Variants in LRRC17 observed in about 807,000 individuals in gnomAD.
LRRC17 encodes leucine rich repeat containing 17, also known as leucine-rich repeat-containing protein 17.
LRRC17 carries 33 observed loss-of-function variants against 41.5 expected under a neutral mutation model. The ratio of observed to expected loss-of-function variants is 0.80; its 90% CI spans 0.60 to 1.06. The LOEUF (loss-of-function observed/expected upper bound fraction) is 1.06, where lower values mean the gene tolerates loss of function less well. LRRC17 is among the 50% of genes least tolerant of loss of function. LRRC17 has a pLI of 0.00. For missense variants in LRRC17, 491 were observed against 519.3 expected (o/e 0.95, Z 0.53); for synonymous variants, 192 against 197.0 (o/e 0.97, Z 0.21).
Position 102,934,038 on chromosome 7 carries a change from C to G in LRRC17, c.125C>G (p.Ser42Cys), listed in dbSNP as rs1295393542. The change falls in exon 2 of 4, where the codon TCC becomes TGC. Residue 42 changes from serine (S) to cysteine (C), a missense_variant. Ser to Cys is a moderately radical substitution (Grantham distance 112). Transcript: ENST00000339431. ...HGRAGGGRRGSNPVKRYAPGL... is the reference protein window; with the variant it reads ...HGRAGGGRRGCNPVKRYAPGL... ...CGGGCGGGTGGAGGCCGGAGAGGCT[C>G]CAACCCGGTCAAACGCTACGCACCA... 2 of 1,614,090 alleles carry G rather than the reference C, an allele frequency of 1.2e-6. No homozygotes were observed.
chr7:102,942,199 A>G, intron 3 of LRRC17: 1 of 956,500 alleles, frequency 1.0e-6, no homozygotes, highest in Non-Finnish European at 1.6e-6. Flanking sequence ...CTTTCCTAGA[A>G]CAAAAGTTCT....
In LRRC17 at chr7:102,934,403, C is replaced by T; in HGVS notation, c.490C>T (p.Pro164Ser). 6.2e-7 allele frequency: 1 copy of T among 1,614,128 alleles called. No homozygotes were observed. The highest frequency in any genetic ancestry group is 1.1e-5 in the South Asian group (1 of 91,076). Residue 164 changes from proline (P) to serine (S), a missense_variant, in exon 2 of 4, where the codon CCC becomes TCC. Transcript: ENST00000339431. ...LLSYLRLYDN[P>S]WHCTCEIETL... is the part of the protein sequence containing the mutation. Reference sequence around the variant, plus strand: ...GAGCTACCTGCGTCTTTATGACAACCCCTGGCACTGTACTTGTGAGATAGA... The same window carrying T: ...GAGCTACCTGCGTCTTTATGACAACTCCTGGCACTGTACTTGTGAGATAGA...
At chr7:102,918,486 T>C (rs1306362515) in intron 1 of LRRC17, among the ~76,000 whole-genome samples, 2 of 152,200 alleles carry the variant, frequency 1.3e-5, no homozygotes, top group Non-Finnish European at 2.9e-5. Flanking sequence ...AAAATAAATA[T>C]GTTTTAAGTT....
intron 3 of LRRC17, among the ~76,000 whole-genome samples, chr7:102,939,843 A>T: frequency 6.6e-6 from 1 of 152,158 alleles, no homozygotes; most frequent in Non-Finnish European, 1.5e-5. Context: ...TGTGTTATAG[A>T]TTTTTAAAGT....
At position 102,939,582 on chromosome 7, in the gene LRRC17, C is replaced by A. The variant is rs61735950; in HGVS notation, c.925C>A (p.Pro309Thr). The stretch of plus-strand genomic sequence containing the variant: ...CAGCAATGGCATTGAATTCATCGAT[C>A]CTGGTAAGTTCCCCTGTATAGCCCC... ...LSSNGIEFID[P>T]AAFLGLTHLE... is the part of the protein sequence containing the mutation. The change falls in exon 3 of 4, where the codon CCT becomes ACT. Residue 309 changes from proline to threonine, a missense_variant. Coordinates refer to ENST00000339431, the MANE Select transcript of LRRC17 (RefSeq NM_001031692.3). 18 of 1,612,340 alleles carry A rather than the reference C, an allele frequency of 1.1e-5. No homozygotes were observed. The African/African-American group carries it at 2.4e-4, about 22-fold the overall frequency.
At chr7:102,921,109 T>C (rs549020570) in intron 1 of LRRC17, among the ~76,000 whole-genome samples, 1 of 151,676 alleles carries the variant, frequency 6.6e-6, no homozygotes, top group South Asian at 2.1e-4. Context: ...CCGAGATCAC[T>C]TCATTGCACT....
At chr7:102,922,859 T>C (rs1456668214) in intron 1 of LRRC17, among the ~76,000 whole-genome samples, 1 of 151,696 alleles carries the variant, frequency 6.6e-6, no homozygotes, top group Non-Finnish European at 1.5e-5. Flanking sequence ...GTGCCTGTAG[T>C]CCCAGCTACT....
At chr7:102,920,450 A>C (rs1203483711) in intron 1 of LRRC17, among the ~76,000 whole-genome samples, 1 of 152,110 alleles carries the variant, frequency 6.6e-6, no homozygotes, top group African/African-American at 2.4e-5. Context: ...TCTGTGCTCA[A>C]ATGATCCTCC....
At chr7:102,930,780 C>T (rs1434533325) in intron 1 of LRRC17, among the ~76,000 whole-genome samples, 9 of 152,224 alleles carry the variant, frequency 5.9e-5, no homozygotes, top group Middle Eastern at 3.4e-3. Flanking sequence ...ATCTTATTCA[C>T]GCTTATGATG....
chr7:102,933,235 A>G (rs999175045), intron 1 of LRRC17: 2 of 152,198 alleles, frequency 1.3e-5, no homozygotes, highest in African/African-American at 4.8e-5. Flanking sequence ...GCATCTCTGG[A>G]GCCCACACCC....
intron 3 of LRRC17, among the ~76,000 whole-genome samples, chr7:102,941,975 G>T (rs542139200): frequency 1.3e-5 from 2 of 152,256 alleles, no homozygotes; most frequent in South Asian, 2.1e-4. Flanking sequence ...TTCATCAGTT[G>T]TGGAATTCCC....
chr7:102,944,256 C>G lies in LRRC17; in HGVS notation c.975C>G (p.Asn325Lys), dbSNP rs773942585. The G allele has an allele frequency of 1.9e-6, 3 of 1,611,932 alleles. No individual in the cohort carries two copies. The Admixed American group carries it at 5.0e-5, about 27-fold the overall frequency. Reference sequence around the variant, plus strand: ...ATTTAGAAGAATTAGATTTATCAAACAACAGTCTGCAAAACTTTGACTATG... The same window carrying G: ...ATTTAGAAGAATTAGATTTATCAAAGAACAGTCTGCAAAACTTTGACTATG... ...LTHLEELDLS[N>K]NSLQNFDYGV... is the part of the protein sequence containing the mutation. The change falls in exon 4 of 4, where the codon AAC (asparagine) becomes AAG (lysine). Residue 325 changes from asparagine to lysine, a missense_variant. Transcript: ENST00000339431.
At chr7:102,928,274 G>T (rs1554462904) in intron 1 of LRRC17, among the ~76,000 whole-genome samples, 1 of 152,134 alleles carries the variant, frequency 6.6e-6, no homozygotes, top group Admixed American at 6.5e-5. Flanking sequence ...GTACTTAAAA[G>T]AACTCAAGAT....
intron 1 of LRRC17, among the ~76,000 whole-genome samples, chr7:102,914,452 T>G (rs947559760): frequency 6.6e-6 from 1 of 152,168 alleles, no homozygotes; most frequent in Non-Finnish European, 1.5e-5. Context: ...TCTTAGTTTG[T>G]GATATGCAAC....
chr7:102,924,681 G>A (rs1238841447), intron 1 of LRRC17, among the ~76,000 whole-genome samples: 2 of 133,716 alleles, frequency 1.5e-5, no homozygotes, highest in Non-Finnish European at 3.1e-5. Context: ...TCGCTCTGTC[G>A]CCCAGGCTGG....
At chr7:102,932,772 C>A (rs1214135424) in intron 1 of LRRC17, among the ~76,000 whole-genome samples, 1 of 151,926 alleles carries the variant, frequency 6.6e-6, no homozygotes, top group Non-Finnish European at 1.5e-5. Context: ...CCATGCCCGG[C>A]TAATTTTTGT....
intron 1 of LRRC17, among the ~76,000 whole-genome samples, chr7:102,924,909 G>A (rs1002230995): frequency 4.6e-5 from 7 of 152,014 alleles, no homozygotes; most frequent in Non-Finnish European, 7.4e-5. Flanking sequence ...GATTACAGGC[G>A]TGAGCCACCG....
chr7:102,913,858 A>C (rs902168516), intron 1 of LRRC17, among the ~76,000 whole-genome samples: 9 of 152,358 alleles, frequency 5.9e-5, no homozygotes, highest in Middle Eastern at 6.8e-3. Context: ...TTTGCAAATA[A>C]GCAGGCAACA....
intron 1 of LRRC17, among the ~76,000 whole-genome samples, chr7:102,916,230 G>A (rs1218069291): frequency 3.9e-5 from 6 of 151,936 alleles, no homozygotes; most frequent in South Asian, 2.1e-4. Flanking sequence ...CAGGTGATCC[G>A]CCCACCTCGG....
Sources: allele counts gnomAD v4.1 joint callset (sites outside exome capture counted in the v4.1 genomes callset), GRCh38; gene constraint gnomAD v4.1.1; transcripts MANE v1.5; gene names NCBI Gene and HGNC (gene_info 2026-07-23, HGNC 2026-07-21).